Variants in WRNIP1 observed in about 807,000 individuals in gnomAD.
WRNIP1 encodes WRN helicase interacting protein 1, also known as ATPase WRNIP1.
In WRNIP1, 41 loss-of-function variants were observed where a neutral mutation model predicts 56.1. The observed-to-expected ratio is 0.73, with a 90% confidence interval of 0.57 to 0.95. The LOEUF (loss-of-function observed/expected upper bound fraction) is 0.95. Among genes scored for constraint, WRNIP1 ranks in the 40% least tolerant of loss-of-function variants. The probability of loss-of-function intolerance (pLI) is 0.00; values close to 1 mark genes in which losing one functional copy is unlikely to be tolerated. For synonymous variants in WRNIP1, 547 were observed against 398.1 expected (o/e 1.37, Z -4.45); for missense variants, 1,170 against 939.4 (o/e 1.25, Z -3.21).
intron 6 of WRNIP1, 63 bp from the exon 7 acceptor site, chr6:2,784,944 G>T: frequency 6.3e-7 from 1 of 1,584,564 alleles, no homozygotes; most frequent in Non-Finnish European, 8.6e-7. Flanking sequence ...GTATCAGAAG[G>T]GGCTCTGCAG....
At position 2,785,213 on chromosome 6, in the gene WRNIP1, G is replaced by T; in HGVS notation, c.1929G>T (p.Glu643Asp). 1 of 1,614,208 alleles carries T rather than the reference G, an allele frequency of 6.2e-7. No individual in the cohort carries two copies. The highest frequency in any genetic ancestry group is 8.5e-7 in the Non-Finnish European group (1 of 1,180,034). ...ACAAGTACAACCCCATGTACAGCGA[G>T]CCTGTGGATCAGGAGTACCTGCCTG... Reference protein sequence around the residue: ...KGYKYNPMYSEPVDQEYLPEE... With the variant: ...KGYKYNPMYSDPVDQEYLPEE... The change falls in exon 7 of 7, where the codon GAG becomes GAT. Residue 643 changes from glutamate (E) to aspartate (D), a missense_variant. Physicochemically the swap from Glu to Asp is conservative, Grantham distance 45. Transcript: ENST00000380773.
At chr6:2,767,194 TCTAGAAAGCATGTCATTGGAAAAACA>T (rs1392508541) in intron 1 of WRNIP1, among the ~76,000 whole-genome samples, 3 of 152,070 alleles carry the variant, frequency 2.0e-5, no homozygotes, top group Non-Finnish European at 4.4e-5. Flanking sequence ...ATATTGTGAG[TCTAGAAAGCATGTCATTGGAAAAACA>T]CTTGAGAAAA....
intron 6 of WRNIP1, among the ~76,000 whole-genome samples, 175 bp from the exon 7 acceptor site, chr6:2,784,832 T>G (rs1439454476): frequency 6.6e-6 from 1 of 152,100 alleles, no homozygotes; most frequent in Non-Finnish European, 1.5e-5. Flanking sequence ...TTTCACCTCA[T>G]GAGAATTTCT....
At chr6:2,773,626 T>C in intron 3 of WRNIP1, 3 of 985,338 alleles carry the variant, frequency 3.0e-6, no homozygotes, top group Non-Finnish European at 3.6e-6. Context: ...GAAAAAAATG[T>C]CCATGATTCA....
intron 3 of WRNIP1, chr6:2,772,948 G>C: frequency 2.0e-6 from 2 of 984,480 alleles, no homozygotes; most frequent in Non-Finnish European, 2.4e-6. Flanking sequence ...GAAGCTATTG[G>C]TGTGCATTTG....
intron 3 of WRNIP1, among the ~76,000 whole-genome samples, chr6:2,774,728 G>C (rs187357609): frequency 6.6e-6 from 1 of 152,258 alleles, no homozygotes; most frequent in East Asian, 1.9e-4. Context: ...TGCCTCCATG[G>C]GATTAAACAG....
chr6:2,783,614 G>A (rs1415672011), intron 5 of WRNIP1, 53 bp downstream of exon 5: 5 of 792,808 alleles, frequency 6.3e-6, no homozygotes, highest in Non-Finnish European at 8.0e-6. Context: ...GTGGGGAAAT[G>A]GCTAACAGTT....
At chr6:2,776,206 C>T (rs1238227789) in intron 3 of WRNIP1, among the ~76,000 whole-genome samples, 1 of 152,118 alleles carries the variant, frequency 6.6e-6, no homozygotes, top group Non-Finnish European at 1.5e-5. Flanking sequence ...TATCTTACTT[C>T]GTTCTTCAGA....
intron 1 of WRNIP1, among the ~76,000 whole-genome samples, chr6:2,768,010 C>G (rs1015131932): frequency 6.6e-6 from 1 of 152,174 alleles, no homozygotes; most frequent in African/African-American, 2.4e-5. Context: ...TCTTCTCATC[C>G]TTTAGTACTA....
rs1765685162 is a variant in WRNIP1 at position 2,785,346 on chromosome 6, T to A, written c.*64T>A. The A allele has an allele frequency of 6.4e-7, 1 of 1,566,496 alleles. No homozygotes were observed. The highest frequency in any genetic ancestry group is 8.6e-7 in the Non-Finnish European group (1 of 1,156,204). ...AAGGGAGGGCCAGAAAGAAAGTTAG[T>A]GGATTGCAAAGTTGGTTGCCTGGTG... On this transcript the variant is annotated 3_prime_UTR_variant, in exon 7 of 7. Transcript: ENST00000380773.
intron 4 of WRNIP1, among the ~76,000 whole-genome samples, chr6:2,782,796 T>G (rs1012634419): frequency 2.0e-5 from 3 of 152,158 alleles, no homozygotes; most frequent in East Asian, 3.9e-4. Context: ...GGTGAGAGAG[T>G]GGGCTTCCGT....
Position 2,770,107 on chromosome 6 carries a change from C to T in WRNIP1, c.1015-13C>T, listed in dbSNP as rs1163592133. The T allele has an allele frequency of 3.1e-6, 5 of 1,612,544 alleles. No individual in the cohort carries two copies. The highest frequency in any genetic ancestry group is 2.7e-5 in the African/African-American group (2 of 74,814). The stretch of plus-strand genomic sequence containing the variant: ...ACTGGAATCACTTTTTTCTGTTTTC[C>T]TCCCATGATTAGGACACTTTCCTTC... On this transcript the variant is annotated splice_polypyrimidine_tract_variant and intron_variant, in intron 2 of 6. Transcript: ENST00000380773.
At chr6:2,774,404 A>G (rs1765384849) in intron 3 of WRNIP1, 1 of 474,068 alleles carries the variant, frequency 2.1e-6, no homozygotes, top group Non-Finnish European at 2.8e-6. Context: ...CCAGCATCTG[A>G]TGGCCCTTGG....
chr6:2,784,090 G>A (rs923094994), intron 5 of WRNIP1, among the ~76,000 whole-genome samples: 2 of 152,160 alleles, frequency 1.3e-5, no homozygotes, highest in African/African-American at 4.8e-5. Context: ...TTTTCTAGAT[G>A]CAGAGTTTTT....
At chr6:2,773,569 A>G (rs1311599012) in intron 3 of WRNIP1, 1 of 985,308 alleles carries the variant, frequency 1.0e-6, no homozygotes, top group African/African-American at 1.7e-5. Context: ...ATCACATGAT[A>G]CAAACAGTGA....
chr6:2,772,542 A>G (rs1057066102), intron 3 of WRNIP1, among the ~76,000 whole-genome samples: 1 of 152,250 alleles, frequency 6.6e-6, no homozygotes, highest in African/African-American at 2.4e-5. Context: ...ATTATCCAGC[A>G]TAAGGGATAA....
chr6:2,780,615 T>C (rs1765532952), intron 4 of WRNIP1, among the ~76,000 whole-genome samples: 2 of 152,208 alleles, frequency 1.3e-5, no homozygotes, highest in South Asian at 4.1e-4. Flanking sequence ...CGTGAATGCT[T>C]GCAAAGTCTG....
chr6:2,780,046 TAGC>T (rs1013263956), intron 4 of WRNIP1, among the ~76,000 whole-genome samples: 2 of 152,260 alleles, frequency 1.3e-5, no homozygotes, highest in Non-Finnish European at 2.9e-5. Context: ...CATTTACAGA[TAGC>T]AGATTTGATA....
Position 2,779,367 on chromosome 6 carries a change from G to A in WRNIP1, c.1361G>A (p.Arg454Lys). The A allele has an allele frequency of 6.2e-7, 1 of 1,614,200 alleles. No homozygotes were observed. The highest frequency in any genetic ancestry group is 1.1e-5 in the South Asian group (1 of 91,090). ...GGACTGCAGCTGGCGGTGCTGGCTA[G>A]GTTAAGCTCTAGGAAGATGTTCTGT... ...LNGLQLAVLA[R>K]LSSRKMFCKK... The change falls in exon 4 of 7, where the codon AGG (arginine) becomes AAG (lysine). Residue 454 changes from arginine (R) to lysine (K), a missense_variant. Physicochemically the swap from Arg to Lys is conservative, Grantham distance 26. Transcript: ENST00000380773.
Sources: allele counts gnomAD v4.1 joint callset (sites outside exome capture counted in the v4.1 genomes callset), GRCh38; gene constraint gnomAD v4.1.1; transcripts MANE v1.5; gene names NCBI Gene and HGNC (gene_info 2026-07-23, HGNC 2026-07-21).